The following TTN variants were observed in gnomAD, a reference collection of about 807,000 sequenced individuals.
TTN encodes the protein connectin.
In TTN, 1,525 loss-of-function variants were observed where a neutral mutation model predicts 3,223.0. The ratio of observed to expected loss-of-function variants is 0.47; its 90% confidence interval spans 0.45 to 0.49. The LOEUF (loss-of-function observed/expected upper bound fraction) is 0.49, where lower values mean the gene tolerates loss of function less well. TTN is among the 20% of genes least tolerant of loss of function. The pLI is 0.00. For missense variants in TTN, 40,786 were observed against 43,424.0 expected (o/e 0.94, Z 5.40); for synonymous variants, 14,094 against 15,161.0 (o/e 0.93, Z 5.17).
intron 313 of TTN, 114 bp from the exon 314 acceptor site, chr2:178,582,706 G>T: frequency 9.0e-7 from 1 of 1,114,466 alleles, no homozygotes; most frequent in Non-Finnish European, 1.2e-6. Context: ...TGACCTAGGA[G>T]GTTAGTTAAT....
In TTN at chr2:178,534,192, C is replaced by T; in HGVS notation, c.102423G>A (p.Gln34141=). The change falls in exon 358 of 363, where the codon CAG becomes CAA. Residue 34141 remains glutamine (Q), a synonymous_variant. Coordinates refer to ENST00000589042, the MANE Select transcript of TTN (RefSeq NM_001267550.2). The stretch of plus-strand genomic sequence containing the variant: ...CTTCTTCACCAACTGCATGCATTAT[C>T]TGCCCAGAAACTGGGCCAATTTCAA... ...ASIEIGPVSG[Q]IMHAVGEEGG... The T allele has an allele frequency of 6.2e-7, 1 of 1,613,970 alleles. No individual in the cohort carries two copies. The highest frequency in any genetic ancestry group is 8.5e-7 in the Non-Finnish European group (1 of 1,179,870).
chr2:178,750,317 G>T (rs751513077), intron 47 of TTN: 38 of 1,613,040 alleles, frequency 2.4e-5, no homozygotes, highest in Non-Finnish European at 3.0e-5. Context: ...AAGCATACTG[G>T]TTGTTTTTAC....
In TTN at chr2:178,579,269, C is replaced by G. The variant is rs2047134696; in HGVS notation, c.67761G>C (p.Gly22587=). The change falls in exon 320 of 363, where the codon GGG becomes GGC. Residue 22587 remains glycine (G), a synonymous_variant. Coordinates refer to ENST00000589042, the MANE Select transcript of TTN (RefSeq NM_001267550.2). ...TAGTGTCAGTTGCTAGAGGATCTTCCCCTTTCTTCCAGGAGACTGATGGAG... is the reference window on the plus strand; with the variant it reads ...TAGTGTCAGTTGCTAGAGGATCTTCGCCTTTCTTCCAGGAGACTGATGGAG... ...KPAPSVSWKK[G]EDPLATDTRV... The G allele has an allele frequency of 1.9e-6, 3 of 1,613,270 alleles. No individual in the cohort carries two copies. In the South Asian group the frequency reaches 3.3e-5, roughly 18 times the overall value.
At position 178,592,272 on chromosome 2, in the gene TTN, G is replaced by A. The variant is rs752854931; in HGVS notation, c.59632C>T (p.Pro19878Ser). The A allele has an allele frequency of 6.2e-7, 1 of 1,609,256 alleles. No homozygotes were observed. Among genetic ancestry groups the A allele is most frequent in the Admixed American group, 1.7e-5 (1 of 59,148 alleles). ...VSVKVLVLDK[P>S]GPPRDLEVSE... ...ACTTCCAGATCTCTAGGTGGCCCAG[G>A]TTTATCTAAAAAGTGTTAAATAACA... The change falls in exon 302 of 363, where the codon CCT (proline) becomes TCT (serine). Residue 19878 changes from proline (P) to serine (S), a missense_variant. Physicochemically the swap from Pro to Ser is moderately conservative, Grantham distance 74. Coordinates refer to ENST00000589042, the MANE Select transcript of TTN (RefSeq NM_001267550.2).
At chr2:178,540,024 G>A (rs761046621) in intron 351 of TTN, 44 bp downstream of exon 351, 5 of 1,598,648 alleles carry the variant, frequency 3.1e-6, no homozygotes, top group Non-Finnish European at 4.3e-6. Context: ...TAAGAAATAA[G>A]TCTATGGCAA....
At position 178,773,972 on chromosome 2, in the gene TTN, T is replaced by C. The variant is rs750522225; in HGVS notation, c.7196A>G (p.Asp2399Gly). The C allele has an allele frequency of 1.2e-6, 2 of 1,614,102 alleles. No individual in the cohort carries two copies. Among genetic ancestry groups the C allele is most frequent in the South Asian group, 2.2e-5 (2 of 91,082 alleles). ...MKDGQEVQPS[D>G]RVHIVIDKQS... ...TTTGTCTATCACAATGTGAACCCTG[T>C]CACTGGGCTGCACTTCTTGGCCGTC... Residue 2399 changes from aspartate (D) to glycine (G), a missense_variant, in exon 31 of 363, where the codon GAC (aspartate) becomes GGC (glycine). Transcript: ENST00000589042.
At position 178,559,862 on chromosome 2, in the gene TTN, T is replaced by G. The variant is rs778722165; in HGVS notation, c.86270A>C (p.Asp28757Ala). 21 of 1,612,204 alleles carry G rather than the reference T, an allele frequency of 1.3e-5. No homozygotes were observed. Among genetic ancestry groups the G allele is most frequent in the Middle Eastern group, 3.3e-4 (2 of 6,052 alleles). The change falls in exon 326 of 363, where the codon GAC (aspartate) becomes GCC (alanine). Residue 28757 changes from aspartate (D) to alanine (A), a missense_variant. Physicochemically the swap from Asp to Ala is moderately radical, Grantham distance 126. Coordinates refer to ENST00000589042, the MANE Select transcript of TTN (RefSeq NM_001267550.2). ...EREEEPLFDI[D>A]SEMRKTLIVK... ...AATCAAGGTCTTCCTCATTTCACTG[T>G]CAATATCAAATAAAGGTTCTTCTTC...
Position 178,645,976 on chromosome 2 carries a change from G to T in TTN, c.40352C>A (p.Pro13451His), listed in dbSNP as rs370048456. The T allele has an allele frequency of 3.2e-5, 50 of 1,585,366 alleles. No homozygotes were observed. The African/African-American group carries it at 4.2e-4, about 13-fold the overall frequency. ...EKPKLKPRPP[P>H]PPPAPPKEDV... ...TTCCTTAGGTGGAGCAGGTGGAGGAGGTGGGGGTCTTGGTTTGAGTTTTGG... is the reference window on the plus strand; with the variant it reads ...TTCCTTAGGTGGAGCAGGTGGAGGATGTGGGGGTCTTGGTTTGAGTTTTGG... The change falls in exon 217 of 363, where the codon CCT becomes CAT. Residue 13451 changes from proline to histidine, a missense_variant. Transcript: ENST00000589042.
chr2:178,604,058 C>G lies in TTN; in HGVS notation c.54629G>C (p.Ser18210Thr). ...TCGGCTAACACGTGACCAATAAGGACTTCCCTCTTCTCTTTTCTCCAGCCA... is the reference window on the plus strand; with the variant it reads ...TCGGCTAACACGTGACCAATAAGGAGTTCCCTCTTCTCTTTTCTCCAGCCA... ...GYWLEKREEGSPYWSRVSRAP... is the reference protein window; with the variant it reads ...GYWLEKREEGTPYWSRVSRAP... The change falls in exon 282 of 363, where the codon AGT becomes ACT. Residue 18210 changes from serine (S) to threonine (T), a missense_variant. Transcript: ENST00000589042. 1 of 1,612,872 alleles carries G rather than the reference C, an allele frequency of 6.2e-7. No homozygotes were observed. Among genetic ancestry groups the G allele is most frequent in the Non-Finnish European group, 8.5e-7 (1 of 1,179,184 alleles).
chr2:178,694,790 A>T, intron 116 of TTN, 39 bp downstream of exon 116: 1 of 1,514,936 alleles, frequency 6.6e-7, no homozygotes, highest in South Asian at 1.2e-5. Flanking sequence ...TAAACATATT[A>T]CTTGTGTACA....
Position 178,543,532 on chromosome 2 carries a change from A to G in TTN, c.96441T>C (p.Ala32147=). Residue 32147 remains alanine (A), a synonymous_variant, in exon 347 of 363, where the codon GCT becomes GCC. Coordinates refer to ENST00000589042, the MANE Select transcript of TTN (RefSeq NM_001267550.2). The part of the protein sequence containing the change: ...VNNYIVEKRE[A]AMRAFKTVTT... ...TTACTGTTTTGAATGCTCTCATAGC[A>G]GCTTCACGCTTCTCAACGATGTAAT... 1 of 1,613,216 alleles carries G rather than the reference A, an allele frequency of 6.2e-7. No individual in the cohort carries two copies. The highest frequency in any genetic ancestry group is 8.5e-7 in the Non-Finnish European group (1 of 1,179,732).
intron 34 of TTN, among the ~76,000 whole-genome samples, chr2:178,770,973 G>A (rs1028318789): frequency 6.6e-6 from 1 of 152,216 alleles, no homozygotes; most frequent in African/African-American, 2.4e-5. Flanking sequence ...TGGAGAATCA[G>A]TGTCTGATTT....
chr2:178,566,513 TGTGGAG>T lies in TTN; in HGVS notation c.79613_79618del (p.Thr26538_Gln26540delinsLys), dbSNP rs761724796. 1.2e-6 allele frequency: 2 copies of T among 1,613,528 alleles called. No individual in the cohort carries two copies. Among genetic ancestry groups the T allele is most frequent in the Non-Finnish European group, 1.7e-6 (2 of 1,179,710 alleles). ...AAATCGAGTGACTCTCAGGCCAGTC[TGTGGAG>T]TAACTATTTGCCATTCTTCTTCATC... On this transcript the variant is annotated inframe_deletion, in exon 326 of 363. Coordinates refer to ENST00000589042, the MANE Select transcript of TTN (RefSeq NM_001267550.2).
chr2:178,614,236 A>G lies in TTN; in HGVS notation c.49161T>C (p.Val16387=). 1 of 1,612,568 alleles carries G rather than the reference A, an allele frequency of 6.2e-7. No individual in the cohort carries two copies. The highest frequency in any genetic ancestry group is 8.5e-7 in the Non-Finnish European group (1 of 1,179,254). ...DDGGSKITNY[V]VERRATDSEV... is the part of the protein sequence containing the mutation. ...CACTATCAGTTGCTCGTCTCTCCAC[A>G]ACATAGTTTGTGATCTTAGATCCAC... The change falls in exon 262 of 363, where the codon GTT becomes GTC. Residue 16387 remains valine, a synonymous_variant. Transcript: ENST00000589042.
At chr2:178,744,515 A>G in intron 47 of TTN, 1 of 869,384 alleles carries the variant, frequency 1.2e-6, no homozygotes, top group Non-Finnish European at 1.4e-6. Flanking sequence ...AAAAGACAAA[A>G]TTAAAGAGTT....
Position 178,557,451 on chromosome 2 carries a change from C to T in TTN, c.87811G>A (p.Gly29271Ser). The change falls in exon 329 of 363, where the codon GGC becomes AGC. Residue 29271 changes from glycine to serine, a missense_variant. Gly to Ser is a moderately conservative substitution (Grantham distance 56). Coordinates refer to ENST00000589042, the MANE Select transcript of TTN (RefSeq NM_001267550.2). The stretch of plus-strand genomic sequence containing the variant: ...CTGTCTTTCATTTCCAGGTGATAGC[C>T]TACGACTGCACTGCCTCCATTTGAC... ...PVSNGGSAVV[G>S]YHLEMKDRNS... 6.2e-7 allele frequency: 1 copy of T among 1,613,918 alleles called. No individual in the cohort carries two copies. The highest frequency in any genetic ancestry group is 1.7e-5 in the Admixed American group (1 of 60,010).
At position 178,532,828 on chromosome 2, in the gene TTN, C is replaced by T. The variant is rs762235688; in HGVS notation, c.103787G>A (p.Arg34596His). The T allele has an allele frequency of 1.7e-5, 27 of 1,613,768 alleles. No individual in the cohort carries two copies. Among genetic ancestry groups the T allele is most frequent in the Non-Finnish European group, 2.3e-5 (27 of 1,179,872 alleles). The change falls in exon 358 of 363, where the codon CGC becomes CAC. Residue 34596 changes from arginine to histidine, a missense_variant. Coordinates refer to ENST00000589042, the MANE Select transcript of TTN (RefSeq NM_001267550.2). The stretch of plus-strand genomic sequence containing the variant: ...ATAGAACTGTTCCCATCTTGAAAGG[C>T]GGATGCGCTTGGGTCGTTTCTGTAC... Reference protein sequence around the residue: ...RVVQKRPKRIRLSRWEQFYVM... With the variant: ...RVVQKRPKRIHLSRWEQFYVM...
At chr2:178,717,073 G>C in intron 88 of TTN, 22 bp downstream of exon 88, 2 of 1,586,960 alleles carry the variant, frequency 1.3e-6, no homozygotes, top group Non-Finnish European at 1.7e-6. Flanking sequence ...AAGAGATCTT[G>C]CTCCTTCACT....
rs1334870025 is a variant in TTN, at chr2:178,619,864, G to T, written c.46453C>A (p.Pro15485Thr). 9 of 1,611,062 alleles carry T rather than the reference G, an allele frequency of 5.6e-6. No homozygotes were observed. Among genetic ancestry groups the T allele is most frequent in the Non-Finnish European group, 6.8e-6 (8 of 1,178,702 alleles). The part of the protein sequence containing the change: ...VEEIPVEIIR[P>T]PQDILEAPGA... ...GGGGCTTCAAGAATATCTTGTGGAG[G>T]CCTGATGATCTCAACAGGAATTTCT... The change falls in exon 250 of 363, where the codon CCT becomes ACT. Residue 15485 changes from proline to threonine, a missense_variant. Physicochemically the swap from Pro to Thr is conservative, Grantham distance 38. Transcript: ENST00000589042.
Sources: gnomAD v4.1 joint callset for allele counts (sites outside exome capture counted in the v4.1 genomes callset) on GRCh38, gnomAD v4.1.1 for gene constraint, MANE v1.5 for transcripts, NCBI Gene and HGNC (gene_info 2026-07-23, HGNC 2026-07-21) for gene names.